Variants in CYP39A1 observed in about 807,000 individuals in gnomAD.
CYP39A1 encodes cytochrome P450 family 39 subfamily A member 1.
Under a neutral mutation model 58.1 loss-of-function variants are expected in CYP39A1, and 49 were observed. That is an observed-to-expected ratio of 0.84 (90% CI 0.67 to 1.07). The LOEUF is 1.07. CYP39A1 is among the 50% of genes least tolerant of loss of function. The pLI, the probability that CYP39A1 is intolerant of heterozygous loss-of-function variation, is 0.00. For missense variants in CYP39A1, 531 were observed against 539.4 expected (o/e 0.98, Z 0.16); for synonymous variants, 209 against 187.6 (o/e 1.11, Z -0.93).
chr6:46,652,642 T>A lies in CYP39A1; in HGVS notation c.-60A>T. On this transcript the variant is annotated 5_prime_UTR_variant, in exon 1 of 12. It adds an upstream start codon to the 5' untranslated region. Coordinates refer to ENST00000275016, the MANE Select transcript of CYP39A1 (RefSeq NM_016593.5). ...GTGAAACAGTCCTGCCGTCCCTTGC[T>A]TCTTTTCTGTGGGCTACGGAACCTG... 1 of 1,465,874 alleles carries A rather than the reference T, an allele frequency of 6.8e-7. No homozygotes were observed. Among genetic ancestry groups the A allele is most frequent in the Non-Finnish European group, 9.1e-7 (1 of 1,100,338 alleles). The allele number at this position is 1,465,874 out of a possible 1,614,324, so 90.8% of individuals were successfully genotyped here.
chr6:46,640,687 GA>G (rs1406797558), intron 2 of CYP39A1, among the ~76,000 whole-genome samples: 1 of 151,966 alleles, frequency 6.6e-6, no homozygotes, highest in Non-Finnish European at 1.5e-5. Context: ...GTGTTATGCT[GA>G]GGTTTGGGGC....
At chr6:46,586,157 A>G in intron 10 of CYP39A1, 1 of 907,858 alleles carries the variant, frequency 1.1e-6, no homozygotes, top group Non-Finnish European at 1.3e-6. Context: ...TAATACTCTA[A>G]ACACATGAAG....
intron 10 of CYP39A1, among the ~76,000 whole-genome samples, chr6:46,566,505 T>C (rs1038962266): frequency 6.6e-6 from 1 of 152,102 alleles, no homozygotes; most frequent in African/African-American, 2.4e-5. Flanking sequence ...TCGTGAGAAC[T>C]CACTCACTAT....
chr6:46,614,116 T>A (rs986596446), intron 7 of CYP39A1, among the ~76,000 whole-genome samples: 1 of 152,122 alleles, frequency 6.6e-6, no homozygotes, highest in East Asian at 1.9e-4. Context: ...AATAGCTTAA[T>A]GTCAAAGTAA....
chr6:46,645,560 A>G (rs1762271625), intron 1 of CYP39A1, among the ~76,000 whole-genome samples: 1 of 152,184 alleles, frequency 6.6e-6, no homozygotes, highest in South Asian at 2.1e-4. Flanking sequence ...TGCCAGTACT[A>G]AATCATCTTG....
intron 8 of CYP39A1, among the ~76,000 whole-genome samples, chr6:46,594,571 C>G (rs1398326978): frequency 6.6e-6 from 1 of 151,952 alleles, no homozygotes; most frequent in Non-Finnish European, 1.5e-5. Flanking sequence ...TGGACAGTTT[C>G]TTCAATAAAT....
intron 10 of CYP39A1, among the ~76,000 whole-genome samples, chr6:46,584,327 C>T (rs547608680): frequency 6.6e-6 from 1 of 152,044 alleles, no homozygotes; most frequent in Non-Finnish European, 1.5e-5. Context: ...TATTTTGACA[C>T]ACTCTACTTT....
chr6:46,603,759 C>T (rs542112729), intron 7 of CYP39A1, among the ~76,000 whole-genome samples: 1 of 152,280 alleles, frequency 6.6e-6, no homozygotes, highest in Non-Finnish European at 1.5e-5. Context: ...GTGAAAGAGA[C>T]CTTATGTTCC....
intron 3 of CYP39A1, among the ~76,000 whole-genome samples, chr6:46,638,510 T>C (rs1776135487): frequency 6.6e-6 from 1 of 152,070 alleles, no homozygotes; most frequent in Admixed American, 6.5e-5. Context: ...ATACTTAAGA[T>C]AAAGAATATA....
chr6:46,556,046 G>T (rs1485784226), intron 10 of CYP39A1, among the ~76,000 whole-genome samples: 1 of 152,120 alleles, frequency 6.6e-6, no homozygotes, highest in African/African-American at 2.4e-5. Flanking sequence ...TCACATAAAG[G>T]TTCAGAATGT....
intron 5 of CYP39A1, among the ~76,000 whole-genome samples, chr6:46,635,722 T>G (rs1775945458): frequency 2.0e-5 from 3 of 152,042 alleles, no homozygotes. Context: ...GCCTGGCTAA[T>G]TTTTTATATA....
At position 46,554,442 on chromosome 6, in the gene CYP39A1, T is replaced by G. The variant is rs148381564; in HGVS notation, c.1251-588A>C. Among the ~76,000 whole-genome samples, 389 of 152,254 alleles carry G rather than the reference T, an allele frequency of 2.6e-3. 2 individuals are homozygous for G. Among genetic ancestry groups the G allele is most frequent in the African/African-American group, 9.0e-3 (376 of 41,554 alleles). ...AATTCCCCAGGACCTCTAAATCCAC[T>G]TTTCCTTTTGCACTCCTTGTCTAAG... On this transcript the variant is annotated intron_variant, in intron 10 of 11. Transcript: ENST00000275016.
In CYP39A1 at chr6:46,642,269, C is replaced by T. The variant is rs758793832; in HGVS notation, c.207G>A (p.Met69Ile). Residue 69 changes from methionine (M) to isoleucine (I), a missense_variant, in exon 2 of 12, where the codon ATG (methionine) becomes ATA (isoleucine). Coordinates refer to ENST00000275016, the MANE Select transcript of CYP39A1 (RefSeq NM_016593.5). Reference sequence around the variant, plus strand: ...CAGTAACAAAGGTCATTCGGTTTCCCATAGCAAAGACTGTAAATATTGGTC... The same window carrying T: ...CAGTAACAAAGGTCATTCGGTTTCCTATAGCAAAGACTGTAAATATTGGTC... ...KYGPIFTVFA[M>I]GNRMTFVTEE... 2 of 1,612,530 alleles carry T rather than the reference C, an allele frequency of 1.2e-6. No homozygotes were observed. The highest frequency in any genetic ancestry group is 2.7e-5 in the African/African-American group (2 of 74,838).
chr6:46,620,528 G>T (rs1468552291), intron 7 of CYP39A1, among the ~76,000 whole-genome samples: 1 of 152,172 alleles, frequency 6.6e-6, no homozygotes, highest in African/African-American at 2.4e-5. Flanking sequence ...GCTAGGGAAT[G>T]AGTTGTTCAT....
In CYP39A1 at chr6:46,550,079, A is replaced by G. The variant is rs904823046; in HGVS notation, c.*287T>C. ...TTCTATTTAATGTTTTAATACAGTT[A>G]TGCATGAAATCAAATTCCAACTTCT... On this transcript the variant is annotated 3_prime_UTR_variant, in exon 12 of 12. Transcript: ENST00000275016. 2 of 278,218 alleles carry G rather than the reference A, an allele frequency of 7.2e-6. No homozygotes were observed. The highest frequency in any genetic ancestry group is 4.4e-5 in the African/African-American group (2 of 45,824). The allele number at this position is 278,218 out of a possible 1,614,324, so 17.2% of individuals were successfully genotyped here.
chr6:46,609,631 G>C (rs1774085423), intron 7 of CYP39A1, among the ~76,000 whole-genome samples: 1 of 152,076 alleles, frequency 6.6e-6, no homozygotes, highest in Non-Finnish European at 1.5e-5. Flanking sequence ...TCCACACAGG[G>C]AAGCTCCAGA....
intron 7 of CYP39A1, among the ~76,000 whole-genome samples, chr6:46,607,720 T>C (rs1773934355): frequency 6.6e-6 from 1 of 152,176 alleles, no homozygotes; most frequent in South Asian, 2.1e-4. Flanking sequence ...AGTTGAATAC[T>C]GAGGAAACCC....
At chr6:46,601,623 C>T (rs1307861493) in intron 7 of CYP39A1, among the ~76,000 whole-genome samples, 2 of 151,690 alleles carry the variant, frequency 1.3e-5, no homozygotes, top group Non-Finnish European at 2.9e-5. Flanking sequence ...ACGTGTAAAG[C>T]GCTTACCACT....
intron 6 of CYP39A1, among the ~76,000 whole-genome samples, chr6:46,629,401 T>C (rs1775515475): frequency 6.6e-6 from 1 of 152,202 alleles, no homozygotes; most frequent in South Asian, 2.1e-4. Flanking sequence ...AATTTTGCTA[T>C]AGCTTAATCA....
Sources: allele counts gnomAD v4.1 joint callset (sites outside exome capture counted in the v4.1 genomes callset), GRCh38; gene constraint gnomAD v4.1.1; transcripts MANE v1.5; gene names NCBI Gene and HGNC (gene_info 2026-07-23, HGNC 2026-07-21).